Variants in ATP8A2 observed in about 807,000 individuals in gnomAD.
ATP8A2 encodes the protein ATPase phospholipid transporting 8A2, also known as phospholipid-transporting ATPase IB.
Under a neutral mutation model 165.6 loss-of-function variants are expected in ATP8A2, and 100 were observed. The ratio of observed to expected loss-of-function variants is 0.60; its 90% CI spans 0.51 to 0.71. ATP8A2 has a LOEUF of 0.71. Among genes scored for constraint, ATP8A2 ranks in the 30% least tolerant of loss-of-function variants. The pLI is 0.00. For synonymous variants in ATP8A2, 543 were observed against 548.8 expected, an observed-to-expected ratio of 0.99 and a Z score of 0.15; for missense variants, 1,227 against 1,479.5, an observed-to-expected ratio of 0.83 and a Z score of 2.80.
intron 25 of ATP8A2, among the ~76,000 whole-genome samples, chr13:25,736,356 T>G (rs2043768591): frequency 6.6e-6 from 1 of 152,234 alleles, no homozygotes; most frequent in African/African-American, 2.4e-5. Flanking sequence ...CACAAATTTA[T>G]GTGGTCACAG....
At chr13:25,857,013 A>G (rs1454069668) in intron 30 of ATP8A2, among the ~76,000 whole-genome samples, 2 of 152,164 alleles carry the variant, frequency 1.3e-5, no homozygotes, top group Non-Finnish European at 2.9e-5. Context: ...AACTTATTCC[A>G]TTTCATTCCC....
chr13:25,876,091 G>A (rs948957496), intron 33 of ATP8A2, among the ~76,000 whole-genome samples: 2 of 152,138 alleles, frequency 1.3e-5, no homozygotes, highest in African/African-American at 2.4e-5. Flanking sequence ...AAAATGTGAC[G>A]CATAGATAGC....
intron 24 of ATP8A2, among the ~76,000 whole-genome samples, chr13:25,594,428 A>G (rs1025304807): frequency 2.6e-5 from 4 of 152,112 alleles, no homozygotes; most frequent in Admixed American, 2.6e-4. Context: ...GTATTTAAAA[A>G]ATTTTTTATT....
intron 1 of ATP8A2, among the ~76,000 whole-genome samples, chr13:25,411,845 T>C (rs2033975671): frequency 6.6e-6 from 1 of 152,160 alleles, no homozygotes; most frequent in Admixed American, 6.5e-5. Flanking sequence ...CTCTAAGTGG[T>C]AGGATTCTGG....
At chr13:25,619,447 C>A (rs2040912562) in intron 24 of ATP8A2, among the ~76,000 whole-genome samples, 1 of 152,088 alleles carries the variant, frequency 6.6e-6, no homozygotes, top group African/African-American at 2.4e-5. Flanking sequence ...CAGCTATTAG[C>A]ACGAAAAGAC....
chr13:25,395,551 A>G (rs1387675453), intron 1 of ATP8A2, among the ~76,000 whole-genome samples: 4 of 152,188 alleles, frequency 2.6e-5, no homozygotes, highest in Non-Finnish European at 5.9e-5. Flanking sequence ...CTTAGGTTTA[A>G]CAAAGTATGG....
intron 9 of ATP8A2, among the ~76,000 whole-genome samples, chr13:25,543,072 A>AT (rs1306330026): frequency 1.3e-5 from 2 of 151,824 alleles, no homozygotes; most frequent in East Asian, 1.9e-4. Flanking sequence ...TAGAAAAAGC[A>AT]TTTTTTTTCT....
At chr13:25,573,137 T>C (rs562450581) in intron 18 of ATP8A2, among the ~76,000 whole-genome samples, 2 of 152,312 alleles carry the variant, frequency 1.3e-5, no homozygotes, top group East Asian at 3.9e-4. Flanking sequence ...ATGAGGTCTT[T>C]TTCCCCCCTT....
chr13:25,579,241 G>A (rs942027905), intron 21 of ATP8A2, among the ~76,000 whole-genome samples: 6 of 152,154 alleles, frequency 3.9e-5, no homozygotes, highest in African/African-American at 1.4e-4. Context: ...ATAATTCATG[G>A]AACCCATAGT....
intron 24 of ATP8A2, among the ~76,000 whole-genome samples, chr13:25,653,492 C>T (rs977400374): frequency 6.6e-6 from 1 of 152,156 alleles, no homozygotes; most frequent in African/African-American, 2.4e-5. Context: ...GAAAATACAA[C>T]TAATGGGTAC....
At chr13:25,940,713 C>T (rs1352591367) in intron 33 of ATP8A2, among the ~76,000 whole-genome samples, 1 of 152,234 alleles carries the variant, frequency 6.6e-6, no homozygotes, top group Non-Finnish European at 1.5e-5. Flanking sequence ...TCACATGCAT[C>T]TCCATGGGTT....
chr13:25,394,550 A>G (rs560928932), intron 1 of ATP8A2, among the ~76,000 whole-genome samples: 1 of 152,310 alleles, frequency 6.6e-6, no homozygotes, highest in South Asian at 2.1e-4. Context: ...ACAAAGCAGG[A>G]GGCGGCAGAG....
rs1351720575 is a variant in ATP8A2 at position 25,895,120 on chromosome 13, A to C, written c.3183+32712A>C. Among the ~76,000 whole-genome samples, 6 of 151,442 alleles carry C rather than the reference A, an allele frequency of 4.0e-5. No homozygotes were observed. In the South Asian group the frequency reaches 1.2e-3, roughly 32 times the overall value. On this transcript the variant is annotated intron_variant, in intron 33 of 36. Transcript: ENST00000381655. Reference sequence around the variant, plus strand: ...GCATCCCTGTCTTGTGCCATTTTTCAAAAAGAATGCTTCCAGTTTTTGTCC... The same window carrying C: ...GCATCCCTGTCTTGTGCCATTTTTCCAAAAGAATGCTTCCAGTTTTTGTCC...
intron 24 of ATP8A2, 101 bp downstream of exon 24, chr13:25,589,800 A>T (rs1420971850): frequency 9.7e-6 from 7 of 720,082 alleles, no homozygotes. Flanking sequence ...GCTAAAAAAC[A>T]GTTATGAAAA....
intron 4 of ATP8A2, 24 bp from the exon 5 acceptor site, chr13:25,532,248 C>T: frequency 6.3e-7 from 1 of 1,593,208 alleles, no homozygotes; most frequent in Non-Finnish European, 8.6e-7. Context: ...GAATGTTAAA[C>T]TATTTTTTTT....
chr13:25,948,879 G>A (rs1955276805), intron 33 of ATP8A2, among the ~76,000 whole-genome samples: 1 of 152,218 alleles, frequency 6.6e-6, no homozygotes, highest in Non-Finnish European at 1.5e-5. Flanking sequence ...GGTCTATGGT[G>A]TTTTGTTGTG....
At chr13:25,603,631 G>A (rs368483999) in intron 24 of ATP8A2, among the ~76,000 whole-genome samples, 9 of 152,154 alleles carry the variant, frequency 5.9e-5, no homozygotes, top group South Asian at 4.2e-4. Context: ...GGAGGTTGTG[G>A]TATTGGTGAT....
chr13:25,789,362 A>G (rs1411674375), intron 27 of ATP8A2, among the ~76,000 whole-genome samples: 1 of 152,124 alleles, frequency 6.6e-6, no homozygotes, highest in East Asian at 1.9e-4. Context: ...AAACCAGAAA[A>G]CCCCACTACT....
At chr13:25,517,709 G>A (rs1339905105) in intron 2 of ATP8A2, among the ~76,000 whole-genome samples, 1 of 152,218 alleles carries the variant, frequency 6.6e-6, no homozygotes, top group Non-Finnish European at 1.5e-5. Context: ...CAGGCTATGA[G>A]ATAAAGCAGT....
Sources: gnomAD v4.1 joint callset for allele counts (sites outside exome capture counted in the v4.1 genomes callset) on GRCh38, gnomAD v4.1.1 for gene constraint, MANE v1.5 for transcripts, NCBI Gene and HGNC (gene_info 2026-07-23, HGNC 2026-07-21) for gene names.